The following NR2C1 variants were observed in gnomAD, a reference collection of about 807,000 sequenced individuals.
NR2C1 encodes the protein nuclear receptor subfamily 2 group C member 1.
Under a neutral mutation model 74.8 loss-of-function variants are expected in NR2C1, and 33 were observed. The observed-to-expected ratio is 0.44, with a 90% CI of 0.33 to 0.59. NR2C1 has a LOEUF of 0.59. NR2C1 is among the 20% of genes least tolerant of loss of function. The pLI, the probability that NR2C1 is intolerant of heterozygous loss-of-function variation, is 0.02. For synonymous variants in NR2C1, 225 were observed against 240.6 expected, an observed-to-expected ratio of 0.94 and a Z score of 0.60; for missense variants, 568 against 715.6, an observed-to-expected ratio of 0.79 and a Z score of 2.35.
intron 13 of NR2C1, among the ~76,000 whole-genome samples, 164 bp downstream of exon 13, chr12:95,024,986 T>C (rs556385479): frequency 6.6e-6 from 1 of 152,380 alleles, no homozygotes; most frequent in South Asian, 2.1e-4. Flanking sequence ...AAATATTTTA[T>C]GTAACGTACT....
At chr12:95,037,123 G>C (rs1358203560) in intron 10 of NR2C1, among the ~76,000 whole-genome samples, 2 of 152,170 alleles carry the variant, frequency 1.3e-5, no homozygotes, top group East Asian at 3.8e-4. Flanking sequence ...GGTAAACGGT[G>C]GTGGCTTGGA....
At position 95,062,510 on chromosome 12, in the gene NR2C1, G is replaced by A; in HGVS notation, c.283C>T (p.Gln95Ter). The change falls in exon 3 of 14, where the codon CAG becomes TAG. Residue 95 changes from glutamine (Q) to a stop codon, truncating the protein, a stop_gained and splice_region_variant. Transcript: ENST00000333003. LOFTEE classifies it high-confidence loss of function. ...TTPDLSAQHL[Q>*]LLTDNSPDQG... The stretch of plus-strand genomic sequence containing the variant: ...AAGACACTTCTATAGTTATTTACCT[G>A]CAGGTGTTGTGCAGACAGATCAGGA... 6.3e-7 allele frequency: 1 copy of A among 1,593,126 alleles called. No individual in the cohort carries two copies. Among genetic ancestry groups the A allele is most frequent in the Non-Finnish European group, 8.6e-7 (1 of 1,165,424 alleles).
chr12:95,044,416 C>T (rs1162774588), intron 9 of NR2C1, among the ~76,000 whole-genome samples: 1 of 151,794 alleles, frequency 6.6e-6, no homozygotes, highest in African/African-American at 2.4e-5. Context: ...TACAGGTGCC[C>T]GCCACCACAC....
Position 95,044,384 on chromosome 12 carries a change from G to A in NR2C1, c.1132-3787C>T, listed in dbSNP as rs185552069. On this transcript the variant is annotated intron_variant, in intron 9 of 13. Transcript: ENST00000333003. The stretch of plus-strand genomic sequence containing the variant: ...CCGGGTTCAAGCAATTCTCCTGCCT[G>A]AGCCTCCTGAGTAGCTGGGATTACA... Among the ~76,000 whole-genome samples, 876 of 151,418 alleles carry A rather than the reference G, an allele frequency of 5.8e-3. 2 individuals carry two copies. The highest frequency in any genetic ancestry group is 9.2e-3 in the Non-Finnish European group (625 of 67,878).
intron 2 of NR2C1, among the ~76,000 whole-genome samples, chr12:95,064,590 A>G (rs1364003915): frequency 6.6e-6 from 1 of 152,226 alleles, no homozygotes; most frequent in Non-Finnish European, 1.5e-5. Flanking sequence ...AGAGTCAAGG[A>G]TGATTATAAA....
Position 95,059,986 on chromosome 12 carries a change from TAAAAAAAAAAAAAAA to T in NR2C1, c.286-17_286-3del. The T allele has an allele frequency of 9.3e-7, 1 of 1,072,598 alleles. No individual in the cohort carries two copies. Among genetic ancestry groups the T allele is most frequent in the Non-Finnish European group, 1.2e-6 (1 of 825,742 alleles). The allele number at this position is 1,072,598 out of a possible 1,614,324, so 66.4% of individuals were successfully genotyped here. A position where few individuals can be genotyped will look rare whatever the true frequency, so the allele number is the denominator to read the frequency against. The stretch of plus-strand genomic sequence containing the variant: ...GTCTGGAGAATTATCTGTTAGGAGC[TAAAAAAAAAAAAAAA>T]AAAAAAGAAAACAAAAACGAAAACC... On this transcript the variant is annotated splice_region_variant and splice_polypyrimidine_tract_variant and intron_variant, in intron 3 of 13. Transcript: ENST00000333003.
chr12:95,046,284 G>A (rs556182101), intron 9 of NR2C1, among the ~76,000 whole-genome samples: 3 of 152,214 alleles, frequency 2.0e-5, no homozygotes, highest in East Asian at 1.9e-4. Flanking sequence ...TCCACCAAAT[G>A]AGAATAAAAA....
intron 9 of NR2C1, among the ~76,000 whole-genome samples, chr12:95,045,153 CTATT>C (rs1293325708): frequency 2.6e-5 from 4 of 152,160 alleles, no homozygotes; most frequent in Non-Finnish European, 4.4e-5. Flanking sequence ...CATTCAGTAA[CTATT>C]TACTTAGAGT....
At chr12:95,062,906 G>A (rs1875013169) in intron 2 of NR2C1, 168 bp from the exon 3 acceptor site, 2 of 615,330 alleles carry the variant, frequency 3.3e-6, no homozygotes, top group Non-Finnish European at 5.7e-6. Flanking sequence ...ATAAACAAAT[G>A]TGCAAACAAA....
intron 2 of NR2C1, among the ~76,000 whole-genome samples, chr12:95,063,307 T>C (rs1875078782): frequency 6.6e-6 from 1 of 151,952 alleles, no homozygotes; most frequent in African/African-American, 2.4e-5. Context: ...AAACAGAGCA[T>C]ATAAGTAGGT....
rs747624808 is a variant in NR2C1 at position 95,049,081 on chromosome 12, T to C, written c.1118A>G (p.His373Arg). 1.2e-6 allele frequency: 2 copies of C among 1,613,756 alleles called. No individual in the cohort carries two copies. The highest frequency in any genetic ancestry group is 3.3e-5 in the Admixed American group (2 of 59,988). The change falls in exon 9 of 14, where the codon CAT (histidine) becomes CGT (arginine). Residue 373 changes from histidine to arginine, a missense_variant. Physicochemically the swap from His to Arg is conservative, Grantham distance 29. Coordinates refer to ENST00000333003, the MANE Select transcript of NR2C1 (RefSeq NM_003297.4). ...ATATAGAAATACCCTGAAAGCTACA[T>C]GTGAATCGCTGAGAAGTGGCCCCTC... ...EKEGPLLSDS[H>R]VAFRLTMPSP...
rs759727284 is a variant in NR2C1, at chr12:95,058,375, T to A, written c.479A>T (p.His160Leu). Residue 160 changes from histidine to leucine, a missense_variant, in exon 5 of 14, where the codon CAC becomes CTC. Transcript: ENST00000333003. ...RGSKDCIINK[H>L]HRNRCQYCRL... ...GCAGTATTGACAGCGGTTTCGGTGG[T>A]GCTTATTAATAATACAATCCTTTGA... 6.2e-7 allele frequency: 1 copy of A among 1,613,828 alleles called. No homozygotes were observed. Among genetic ancestry groups the A allele is most frequent in the South Asian group, 1.1e-5 (1 of 91,062 alleles).
chr12:95,030,769 T>G, intron 11 of NR2C1: 2 of 1,611,314 alleles, frequency 1.2e-6, no homozygotes, highest in Non-Finnish European at 8.5e-7. Context: ...CATTTGTTGA[T>G]GGGGCACTGT....
intron 9 of NR2C1, among the ~76,000 whole-genome samples, chr12:95,043,436 C>T (rs992530516): frequency 6.6e-6 from 1 of 151,978 alleles, no homozygotes; most frequent in Non-Finnish European, 1.5e-5. Flanking sequence ...GGCCTGTAAT[C>T]CCAGCACTCT....
intron 1 of NR2C1, among the ~76,000 whole-genome samples, chr12:95,068,092 A>G (rs1288108599): frequency 6.6e-6 from 1 of 151,926 alleles, no homozygotes; most frequent in Non-Finnish European, 1.5e-5. Flanking sequence ...GTTAGCCAGG[A>G]TGGCCTTGAT....
Position 95,049,236 on chromosome 12 carries a change from G to A in NR2C1, c.966-3C>T, listed in dbSNP as rs1028515888. 9 of 1,612,194 alleles carry A rather than the reference G, an allele frequency of 5.6e-6. No homozygotes were observed. The highest frequency in any genetic ancestry group is 7.6e-6 in the Non-Finnish European group (9 of 1,179,188). On this transcript the variant is annotated splice_polypyrimidine_tract_variant and splice_region_variant and intron_variant, in intron 8 of 13. Coordinates refer to ENST00000333003, the MANE Select transcript of NR2C1 (RefSeq NM_003297.4). Reference sequence around the variant, plus strand: ...CTTTTGCAAGAGTGTCAAATGCCCTGTATGAAGACATCAGAAGCTATGAGC... The same window carrying A: ...CTTTTGCAAGAGTGTCAAATGCCCTATATGAAGACATCAGAAGCTATGAGC...
chr12:95,029,758 C>G (rs1869828141), intron 11 of NR2C1, among the ~76,000 whole-genome samples: 1 of 151,986 alleles, frequency 6.6e-6, no homozygotes, highest in African/African-American at 2.4e-5. Context: ...GGAGTTTCAC[C>G]ATGTTTGCCG....
At chr12:95,036,239 A>G (rs1362459985) in intron 10 of NR2C1, among the ~76,000 whole-genome samples, 1 of 150,042 alleles carries the variant, frequency 6.7e-6, no homozygotes, top group Non-Finnish European at 1.5e-5. Flanking sequence ...GGTTATCACT[A>G]AGGCATCTAA....
rs1432034352 is a variant in NR2C1 at position 95,057,787 on chromosome 12, G to T, written c.636C>A (p.Asp212Glu). The T allele has an allele frequency of 6.2e-7, 1 of 1,614,008 alleles. No individual in the cohort carries two copies. The highest frequency in any genetic ancestry group is 8.5e-7 in the Non-Finnish European group (1 of 1,180,012). The change falls in exon 6 of 14, where the codon GAC (aspartate) becomes GAA (glutamate). Residue 212 changes from aspartate (D) to glutamate (E), a missense_variant. This residue lies in a region of NR2C1 where 239 missense variants were observed against 232.3 expected (regional missense o/e 1.03). Coordinates refer to ENST00000333003, the MANE Select transcript of NR2C1 (RefSeq NM_003297.4). The stretch of plus-strand genomic sequence containing the variant: ...GAGTTGCAGTTAATGGGCTACGAAG[G>T]TCCTTTCGGATATAGATTTTTTCTG... ...ASTEKIYIRK[D>E]LRSPLTATPT...
Sources: gnomAD v4.1 joint callset for allele counts (sites outside exome capture counted in the v4.1 genomes callset) on GRCh38, gnomAD v4.1.1 for gene constraint, gnomAD v4.1.1 regional missense constraint, MANE v1.5 for transcripts, NCBI Gene and HGNC (gene_info 2026-07-23, HGNC 2026-07-21) for gene names.